Variants in GSE1 observed in about 807,000 individuals in gnomAD.
The protein encoded by GSE1 is Gse1 coiled-coil protein.
Under a neutral mutation model 112.6 loss-of-function variants are expected in GSE1, and 32 were observed. That is an observed-to-expected ratio of 0.28 (90% CI 0.21 to 0.38). The LOEUF is 0.38. Among genes scored for constraint, GSE1 ranks in the 10% least tolerant of loss-of-function variants. The pLI is 1.00. For synonymous variants in GSE1, 1,115 were observed against 735.6 expected (o/e 1.52, Z -8.35); for missense variants, 2,348 against 1,699.2 (o/e 1.38, Z -6.71).
rs773775217 is a variant in GSE1 at position 85,672,462 on chromosome 16, C to T, written c.3577C>T (p.Leu1193=). The T allele has an allele frequency of 4.3e-6, 7 of 1,610,300 alleles. No homozygotes were observed. The African/African-American group carries it at 6.7e-5, about 15-fold the overall frequency. ...AGAAAGGGAGCGGCTCCAGGCAGAACTGGACCACTTACGAAAGTGCCTTGC... is the reference window on the plus strand; with the variant it reads ...AGAAAGGGAGCGGCTCCAGGCAGAATTGGACCACTTACGAAAGTGCCTTGC... ...VSERERLQAE[L]DHLRKCLALP... Residue 1193 remains leucine (L), a synonymous_variant, in exon 16 of 16, where the codon CTG becomes TTG. Coordinates refer to ENST00000253458, the MANE Select transcript of GSE1 (RefSeq NM_014615.5).
In GSE1 at chr16:85,538,784, C is replaced by G. The variant is rs185374481; in HGVS notation, c.2465-95130C>G. Among the ~76,000 whole-genome samples the G allele has an allele frequency of 3.0e-3, 456 of 152,346 alleles. 2 individuals carry two copies. Among genetic ancestry groups the G allele is most frequent in the African/African-American group, 0.01 (424 of 41,584 alleles). ...GTGCCCCACTGCCGCTCTCTGGACA[C>G]CCAGGATTTAAGCCACCTTCGTTTC... On this transcript the variant is annotated intron_variant, in intron 2 of 2. Transcript: ENST00000637419.
Position 85,500,846 on chromosome 16 carries a change from A to G in GSE1, c.2465-133068A>G, listed in dbSNP as rs369207773. On this transcript the variant is annotated intron_variant, in intron 2 of 2. Transcript: ENST00000637419. ...CTCCCTCTAAAGGCCCCAAGGGAGG[A>G]TCCTTCTTCGCCCCTTCCAGCTTCC... 9.2e-5 allele frequency among the ~76,000 whole-genome samples: 14 copies of G among 152,116 alleles called. No homozygotes were observed. The East Asian group carries it at 2.3e-3, about 25-fold the overall frequency.
intron 6 of GSE1, 114 bp downstream of exon 6, chr16:85,656,031 A>G: frequency 6.1e-6 from 5 of 825,940 alleles, no homozygotes; most frequent in South Asian, 1.7e-5. Flanking sequence ...CTGTCCTCAC[A>G]GTTTGTCCAC....
chr16:85,624,385 G>A (rs1340315732), intron 1 of GSE1, among the ~76,000 whole-genome samples: 1 of 152,236 alleles, frequency 6.6e-6, no homozygotes, highest in Non-Finnish European at 1.5e-5. Context: ...TCTAGCACAG[G>A]TGCCCTCTGG....
intron 1 of GSE1, among the ~76,000 whole-genome samples, chr16:85,305,645 G>C (rs1292922384): frequency 1.3e-5 from 2 of 152,034 alleles, no homozygotes; most frequent in East Asian, 2.0e-4. Flanking sequence ...ACCATGCCTG[G>C]CTAATTTTGT....
At chr16:85,547,110 G>T (rs13339618) in intron 2 of GSE1, among the ~76,000 whole-genome samples, 1 of 152,046 alleles carries the variant, frequency 6.6e-6, no homozygotes, top group Non-Finnish European at 1.5e-5. Flanking sequence ...CAGTCCCTGT[G>T]ACACACCTGA....
intron 1 of GSE1, among the ~76,000 whole-genome samples, chr16:85,230,959 AGATG>A (rs1232318366): frequency 1.3e-5 from 2 of 151,048 alleles, no homozygotes; most frequent in African/African-American, 4.9e-5. Flanking sequence ...ATGGATGGAT[AGATG>A]GATGGACGGA....
chr16:85,331,437 ATATG>A (rs1316190428), intron 1 of GSE1, among the ~76,000 whole-genome samples: 3 of 143,808 alleles, frequency 2.1e-5, no homozygotes, highest in Non-Finnish European at 3.0e-5. Flanking sequence ...ATATGTATAT[ATATG>A]CGTATATATG....
Position 85,634,052 on chromosome 16 carries a change from C to G in GSE1, c.146C>G (p.Ala49Gly). 6.2e-7 allele frequency: 1 copy of G among 1,609,074 alleles called. No homozygotes were observed. The highest frequency in any genetic ancestry group is 8.5e-7 in the Non-Finnish European group (1 of 1,177,868). Residue 49 changes from alanine (A) to glycine (G), a missense_variant, in exon 2 of 16, where the codon GCG becomes GGG. Transcript: ENST00000253458. ...VPSGSPATSS[A>G]LSAQAAPSSS... ...AGCGGCAGCCCCGCCACCAGCAGCG[C>G]GCTGTCGGCCCAGGCCGCGCCATCC...
chr16:85,572,361 TCACACAC>T (rs2046032901), intron 1 of GSE1, among the ~76,000 whole-genome samples: 1 of 84,016 alleles, frequency 1.2e-5, no homozygotes, highest in African/African-American at 4.8e-5. Flanking sequence ...CAACACACAA[TCACACAC>T]CACACACACC....
intron 2 of GSE1, among the ~76,000 whole-genome samples, chr16:85,450,147 A>G (rs1450717498): frequency 1.1e-5 from 1 of 93,098 alleles, no homozygotes; most frequent in African/African-American, 4.7e-5. Context: ...TTGAGACGGA[A>G]TTTCGCTCTT....
intron 1 of GSE1, among the ~76,000 whole-genome samples, chr16:85,559,670 C>G (rs563415541): frequency 6.6e-6 from 1 of 152,114 alleles, no homozygotes; most frequent in East Asian, 1.9e-4. Context: ...CTCTCCTGAG[C>G]TGTGTCCTTG....
At position 85,654,488 on chromosome 16, in the gene GSE1, G is replaced by C. The variant is rs754902695; in HGVS notation, c.599+38G>C. Reference sequence around the variant, plus strand: ...GCGGGGACTTCGGTGAGGTGGCCAGGTGGGGACACAGTGCTCAGGGTCTGG... The same window carrying C: ...GCGGGGACTTCGGTGAGGTGGCCAGCTGGGGACACAGTGCTCAGGGTCTGG... On this transcript the variant is annotated intron_variant, in intron 4 of 15. Coordinates refer to ENST00000253458, the MANE Select transcript of GSE1 (RefSeq NM_014615.5). 10 of 1,528,434 alleles carry C rather than the reference G, an allele frequency of 6.5e-6. No homozygotes were observed. In the South Asian group the frequency reaches 1.1e-4, roughly 17 times the overall value. The allele number at this position is 1,528,434 out of a possible 1,614,324, so 94.7% of individuals were successfully genotyped here.
chr16:85,584,896 C>G (rs1233536995), intron 1 of GSE1, among the ~76,000 whole-genome samples: 1 of 152,098 alleles, frequency 6.6e-6, no homozygotes, highest in Non-Finnish European at 1.5e-5. Flanking sequence ...CACTCCTTCC[C>G]CCACCCCTCC....
chr16:85,172,184 T>C (rs1031442583), intron 1 of GSE1, among the ~76,000 whole-genome samples: 2 of 152,194 alleles, frequency 1.3e-5, no homozygotes, highest in African/African-American at 4.8e-5. Flanking sequence ...AGTCCAGCCG[T>C]GCGGGTCACA....
At chr16:85,315,121 G>T (rs1031043462) in intron 1 of GSE1, among the ~76,000 whole-genome samples, 1 of 150,706 alleles carries the variant, frequency 6.6e-6, no homozygotes, top group African/African-American at 2.4e-5. Flanking sequence ...TGGACACAGT[G>T]GGCCTTAACA....
chr16:85,353,492 G>A (rs1369628636), intron 1 of GSE1, among the ~76,000 whole-genome samples: 1 of 152,204 alleles, frequency 6.6e-6, no homozygotes, highest in Non-Finnish European at 1.5e-5. Flanking sequence ...TCACATTTCG[G>A]GGATTAGTTG....
chr16:85,243,389 C>T (rs1314334136), intron 1 of GSE1, among the ~76,000 whole-genome samples: 1 of 152,184 alleles, frequency 6.6e-6, no homozygotes, highest in Non-Finnish European at 1.5e-5. Flanking sequence ...TGGGGCTTAC[C>T]CCAAACGGGG....
At chr16:85,281,434 T>TC (rs2044855545) in intron 1 of GSE1, among the ~76,000 whole-genome samples, 2 of 152,044 alleles carry the variant, frequency 1.3e-5, no homozygotes, top group Admixed American at 6.6e-5. Context: ...ATTACTCATA[T>TC]CCCCTCTGTA....
Sources: allele counts gnomAD v4.1 joint callset (sites outside exome capture counted in the v4.1 genomes callset), GRCh38; gene constraint gnomAD v4.1.1; transcripts MANE v1.5; gene names NCBI Gene and HGNC (gene_info 2026-07-23, HGNC 2026-07-21).